FAM178B: variants seen among roughly 807,000 people sequenced by gnomAD.
FAM178B encodes the protein family with sequence similarity 178 member B, also known as protein FAM178B.
FAM178B carries 82 observed loss-of-function variants against 91.7 expected under a neutral mutation model. The ratio of observed to expected loss-of-function variants is 0.89; its 90% confidence interval spans 0.75 to 1.07. The LOEUF (loss-of-function observed/expected upper bound fraction) is 1.07, where lower values mean the gene tolerates loss of function less well. Among genes scored for constraint, FAM178B ranks in the 50% least tolerant of loss-of-function variants. The pLI is 0.00. For synonymous variants in FAM178B, 368 were observed against 359.4 expected (o/e 1.02, Z -0.27); for missense variants, 769 against 846.7 (o/e 0.91, Z 1.14).
At chr2:96,960,841 C>T (rs2082069771) in intron 5 of FAM178B, among the ~76,000 whole-genome samples, 1 of 152,142 alleles carries the variant, frequency 6.6e-6, no homozygotes, top group Admixed American at 6.5e-5. Flanking sequence ...TACAGGGCGG[C>T]TCCATAAGGG....
In FAM178B at chr2:96,923,562, G is replaced by A. The variant is rs2081382402; in HGVS notation, c.1215C>T (p.Gly405=). Residue 405 remains glycine, a synonymous_variant, in exon 10 of 17, where the codon GGC becomes GGT. Transcript: ENST00000490605. ...HGGRVLPGEA[G]LNENEEQDAP... ...CGTCCTGCTCCTCATTCTCATTCAG[G>A]CCAGCCTCGCCTGGAAGCACCCTGT... 6.4e-7 allele frequency: 1 copy of A among 1,551,598 alleles called. No homozygotes were observed. The highest frequency in any genetic ancestry group is 8.7e-7 in the Non-Finnish European group (1 of 1,146,906).
At chr2:96,924,307 G>A (rs2081397599) in intron 9 of FAM178B, among the ~76,000 whole-genome samples, 1 of 152,310 alleles carries the variant, frequency 6.6e-6, no homozygotes, top group Admixed American at 6.5e-5. Flanking sequence ...ACACGGGCTG[G>A]CTCACAAGCC....
At chr2:96,903,251 G>C (rs948045839) in intron 12 of FAM178B, among the ~76,000 whole-genome samples, 1 of 152,176 alleles carries the variant, frequency 6.6e-6, no homozygotes, top group Admixed American at 6.5e-5. Flanking sequence ...ATGTTAGCCA[G>C]GATAGTCTCG....
chr2:96,967,521 T>A lies in FAM178B; in HGVS notation c.733A>T (p.Arg245Trp). ...EEEVPLTPEH[R>W]MLVEKYSVSL... is the part of the protein sequence containing the mutation. ...TGGTGCCAGGCCCCTGCCCCTCACC[T>A]GTGCTCGGGTGTGAGTGGCACTTCC... Residue 245 changes from arginine to tryptophan, a missense_variant and splice_region_variant, in exon 5 of 17, where the codon AGG becomes TGG. Transcript: ENST00000490605. 2 of 1,540,456 alleles carry A rather than the reference T, an allele frequency of 1.3e-6. No homozygotes were observed. The highest frequency in any genetic ancestry group is 1.8e-6 in the Non-Finnish European group (2 of 1,138,488).
At chr2:96,964,679 C>T (rs953539873) in intron 5 of FAM178B, among the ~76,000 whole-genome samples, 12 of 152,200 alleles carry the variant, frequency 7.9e-5, no homozygotes, top group Non-Finnish European at 1.8e-4. Flanking sequence ...GAAACCACCC[C>T]ACTGATCTGA....
intron 9 of FAM178B, among the ~76,000 whole-genome samples, chr2:96,925,211 C>T (rs2081416797): frequency 6.6e-6 from 1 of 152,120 alleles, no homozygotes; most frequent in South Asian, 2.1e-4. Context: ...GAGTCGACTA[C>T]AAACATCTGC....
intron 8 of FAM178B, among the ~76,000 whole-genome samples, chr2:96,934,328 C>A (rs2153372053): frequency 6.6e-6 from 1 of 152,210 alleles, no homozygotes; most frequent in Middle Eastern, 3.4e-3. Context: ...CTAGGTTGAG[C>A]AAGGAGCCCA....
intron 8 of FAM178B, among the ~76,000 whole-genome samples, chr2:96,943,329 C>T (rs2081765681): frequency 6.6e-6 from 1 of 152,212 alleles, no homozygotes; most frequent in South Asian, 2.1e-4. Context: ...CTTTTGGTCT[C>T]TATGGATTTG....
intron 8 of FAM178B, 89 bp downstream of exon 8, chr2:96,947,729 C>A: frequency 1.4e-6 from 1 of 738,420 alleles, no homozygotes; most frequent in Non-Finnish European, 2.3e-6. Flanking sequence ...CAGCATCTCG[C>A]CTGCAGCTGG....
intron 12 of FAM178B, among the ~76,000 whole-genome samples, chr2:96,916,784 A>G (rs1440750242): frequency 1.3e-5 from 2 of 152,172 alleles, no homozygotes; most frequent in African/African-American, 4.8e-5. Context: ...CTGCGGGTGT[A>G]CTGCATGAGT....
rs576103870 is a variant in FAM178B, at chr2:96,877,587, A to G, written c.2007+303T>C. On this transcript the variant is annotated intron_variant, in intron 16 of 16. Coordinates refer to ENST00000490605, the MANE Select transcript of FAM178B (RefSeq NM_001122646.3). Reference sequence around the variant, plus strand: ...CCGGCTAATTTTTTTAATCTTTGGTAGAGACGGGTTTCACCATGTTGGCCA... The same window carrying G: ...CCGGCTAATTTTTTTAATCTTTGGTGGAGACGGGTTTCACCATGTTGGCCA... Among the ~76,000 whole-genome samples, 56 of 152,206 alleles carry G rather than the reference A, an allele frequency of 3.7e-4. 1 individual carries two copies. The highest frequency in any genetic ancestry group is 1.3e-3 in the African/African-American group (52 of 41,546).
In FAM178B at chr2:96,986,578, T is replaced by G. The variant is rs890608715; in HGVS notation, c.-265A>C. The G allele has an allele frequency of 6.3e-6, 3 of 478,244 alleles. No homozygotes were observed. The highest frequency in any genetic ancestry group is 8.3e-5 in the East Asian group (2 of 24,138). The allele number at this position is 478,244 out of a possible 1,614,324, so 29.6% of individuals were successfully genotyped here. A position where few individuals can be genotyped will look rare whatever the true frequency, so the allele number is the denominator to read the frequency against. ...CCAGCTGGGGAGCTCGCCGGCCAAG[T>G]GCGCACCCTCTTCCTGTTAGCCCTC... On this transcript the variant is annotated 5_prime_UTR_variant, in exon 1 of 17. Coordinates refer to ENST00000490605, the MANE Select transcript of FAM178B (RefSeq NM_001122646.3).
intron 1 of FAM178B, chr2:96,977,793 C>G: frequency 2.2e-6 from 1 of 455,976 alleles, no homozygotes; most frequent in Non-Finnish European, 4.4e-6. Flanking sequence ...TGTAAGAGCC[C>G]ACTAAGTTTA....
chr2:96,930,089 G>A (rs1333686433), intron 8 of FAM178B, among the ~76,000 whole-genome samples: 1 of 151,806 alleles, frequency 6.6e-6, no homozygotes, highest in Non-Finnish European at 1.5e-5. Flanking sequence ...ATGGCGGCAT[G>A]AGCCTGTAGT....
At chr2:96,892,543 G>A (rs2080707905) in intron 14 of FAM178B, among the ~76,000 whole-genome samples, 1 of 152,146 alleles carries the variant, frequency 6.6e-6, no homozygotes, top group African/African-American at 2.4e-5. Flanking sequence ...CTAAAGAAAA[G>A]GCATCCTCAG....
At position 96,921,655 on chromosome 2, in the gene FAM178B, C is replaced by A; in HGVS notation, c.1288-1G>T. 6.4e-7 allele frequency: 1 copy of A among 1,551,162 alleles called. No individual in the cohort carries two copies. The highest frequency in any genetic ancestry group is 8.7e-7 in the Non-Finnish European group (1 of 1,146,960). Reference sequence around the variant, plus strand: ...GGGCCTGGGCACACAGCGCCAGAAACTGGAGAGAGAAAAGAGGGCAGGGGT... The same window carrying A: ...GGGCCTGGGCACACAGCGCCAGAAAATGGAGAGAGAAAAGAGGGCAGGGGT... On this transcript the variant is annotated splice_acceptor_variant, in intron 10 of 16. Transcript: ENST00000490605. LOFTEE classifies it high-confidence loss of function.
Position 96,951,489 on chromosome 2 carries a change from G to A in FAM178B, c.888-5C>T. 6.5e-7 allele frequency: 1 copy of A among 1,550,374 alleles called. No homozygotes were observed. Among genetic ancestry groups the A allele is most frequent in the Non-Finnish European group, 8.7e-7 (1 of 1,145,870 alleles). ...AGCTGTTGGGCTGGCGGGGAGCTGG[G>A]AGGCAGAGGGCTGAGGTTAGGGGAG... On this transcript the variant is annotated splice_region_variant and splice_polypyrimidine_tract_variant and intron_variant, in intron 6 of 16. Coordinates refer to ENST00000490605, the MANE Select transcript of FAM178B (RefSeq NM_001122646.3).
chr2:96,974,134 G>A (rs1053956888), intron 1 of FAM178B, among the ~76,000 whole-genome samples: 2 of 152,008 alleles, frequency 1.3e-5, no homozygotes, highest in Admixed American at 1.3e-4. Flanking sequence ...TGTAATCCCA[G>A]CACTTTGGGA....
chr2:96,945,176 G>C (rs2081802289), intron 8 of FAM178B, among the ~76,000 whole-genome samples: 1 of 152,168 alleles, frequency 6.6e-6, no homozygotes, highest in Admixed American at 6.5e-5. Context: ...CAATGTGCCA[G>C]AGTATCCCTT....
Sources: allele counts gnomAD v4.1 joint callset (sites outside exome capture counted in the v4.1 genomes callset), GRCh38; gene constraint gnomAD v4.1.1; transcripts MANE v1.5; gene names NCBI Gene and HGNC (gene_info 2026-07-23, HGNC 2026-07-21).